The following E2F5 variants were observed in gnomAD, a reference collection of about 807,000 sequenced individuals.
E2F5 encodes the protein E2F transcription factor 5.
Under a neutral mutation model 39.1 loss-of-function variants are expected in E2F5, and 23 were observed. That is an observed-to-expected ratio of 0.59 (90% CI 0.42 to 0.83). The LOEUF (loss-of-function observed/expected upper bound fraction) is 0.83, where lower values mean the gene tolerates loss of function less well. Among genes scored for constraint, E2F5 ranks in the 40% least tolerant of loss-of-function variants. The probability of loss-of-function intolerance (pLI) is 0.00; values close to 1 mark genes in which losing one functional copy is unlikely to be tolerated. For missense variants in E2F5, 365 were observed against 406.7 expected, an observed-to-expected ratio of 0.90 and a Z score of 0.88; for synonymous variants, 145 against 157.8, an observed-to-expected ratio of 0.92 and a Z score of 0.61.
intron 4 of E2F5, among the ~76,000 whole-genome samples, 174 bp downstream of exon 4, chr8:85,206,394 T>C (rs1812804006): frequency 6.6e-6 from 1 of 152,218 alleles, no homozygotes; most frequent in African/African-American, 2.4e-5. Context: ...TTCATGAGAA[T>C]AGCTGCTTTT....
chr8:85,210,950 C>T (rs987917763), intron 6 of E2F5, among the ~76,000 whole-genome samples: 3 of 151,848 alleles, frequency 2.0e-5, no homozygotes, highest in Non-Finnish European at 4.4e-5. Context: ...AGATCTGTGA[C>T]CAAGGAAATA....
chr8:85,211,192 C>A (rs911779228), intron 6 of E2F5, among the ~76,000 whole-genome samples: 1 of 142,202 alleles, frequency 7.0e-6, no homozygotes, highest in Non-Finnish European at 1.5e-5. Flanking sequence ...TTGAGACCAA[C>A]CTGGGCAATA....
intron 6 of E2F5, 97 bp from the exon 7 acceptor site, chr8:85,212,060 G>T: frequency 1.1e-6 from 1 of 888,630 alleles, no homozygotes; most frequent in Non-Finnish European, 1.8e-6. Context: ...AAATAAATGT[G>T]CATGTCAGTC....
intron 1 of E2F5, among the ~76,000 whole-genome samples, chr8:85,188,288 A>C (rs1812385710): frequency 6.9e-6 from 1 of 144,780 alleles, no homozygotes; most frequent in African/African-American, 2.5e-5. Context: ...TTAGACTTTC[A>C]GATTGTTTTG....
chr8:85,183,119 A>G (rs972535808), intron 1 of E2F5, among the ~76,000 whole-genome samples: 6 of 152,218 alleles, frequency 3.9e-5, no homozygotes, highest in African/African-American at 1.4e-4. Flanking sequence ...GGGTGTGATG[A>G]CTGGTGCCTG....
intron 6 of E2F5, among the ~76,000 whole-genome samples, chr8:85,209,653 CA>C (rs1812874435): frequency 6.6e-6 from 1 of 152,134 alleles, no homozygotes; most frequent in South Asian, 2.1e-4. Context: ...TTAATTTTTG[CA>C]TGAAACAAAA....
intron 1 of E2F5, among the ~76,000 whole-genome samples, chr8:85,195,551 G>A (rs1388961473): frequency 6.6e-6 from 1 of 152,036 alleles, no homozygotes; most frequent in Non-Finnish European, 1.5e-5. Flanking sequence ...GTGCAGTGGT[G>A]CAGTCATGGC....
chr8:85,177,573 C>T lies in E2F5; in HGVS notation c.153C>T (p.His51=). The change falls in exon 1 of 8, where the codon CAC becomes CAT. Residue 51 remains histidine, a synonymous_variant. Transcript: ENST00000416274. The stretch of plus-strand genomic sequence containing the variant: ...GCGCCGGGGGCGGCAGCAGCAGGCA[C>T]GAGAAGAGCCTGGGGCTGCTCACTA... ...LGGAGGGSSR[H]EKSLGLLTTK... 3.9e-6 allele frequency: 5 copies of T among 1,282,256 alleles called. No individual in the cohort carries two copies. The highest frequency in any genetic ancestry group is 4.9e-6 in the Non-Finnish European group (5 of 1,011,760). The allele number at this position is 1,282,256 out of a possible 1,614,324, so 79.4% of individuals were successfully genotyped here.
At chr8:85,205,775 G>A (rs1330269481) in intron 3 of E2F5, among the ~76,000 whole-genome samples, 2 of 152,084 alleles carry the variant, frequency 1.3e-5, no homozygotes, top group Non-Finnish European at 2.9e-5. Context: ...AATCCTCTGT[G>A]TCCTCTTGTG....
intron 7 of E2F5, chr8:85,213,051 C>T (rs1812976519): frequency 6.6e-6 from 1 of 151,712 alleles, no homozygotes; most frequent in Non-Finnish European, 1.5e-5. Flanking sequence ...GCACCTGCCA[C>T]CACACCTGGC....
At chr8:85,205,609 C>A (rs1812787745) in intron 3 of E2F5, among the ~76,000 whole-genome samples, 2 of 152,152 alleles carry the variant, frequency 1.3e-5, no homozygotes, top group South Asian at 2.1e-4. Context: ...CCCAAGGAAA[C>A]CCCAATAAAA....
chr8:85,209,507 G>A (rs1051777767), intron 6 of E2F5, 98 bp downstream of exon 6: 1 of 1,399,780 alleles, frequency 7.1e-7, no homozygotes, highest in Non-Finnish European at 9.5e-7. Context: ...AATGTCCCAA[G>A]CACTTTTGAC....
rs1223266382 is a variant in E2F5, at chr8:85,177,238, G to C, written c.-183G>C. Reference sequence around the variant, plus strand: ...CTTGGGGAGGGGGCGGAGGCCCGGCGTGACAAGCGGCCCAGACTCCCGTGG... The same window carrying C: ...CTTGGGGAGGGGGCGGAGGCCCGGCCTGACAAGCGGCCCAGACTCCCGTGG... On this transcript the variant is annotated 5_prime_UTR_variant, in exon 1 of 8. Transcript: ENST00000416274. 1 of 355,604 alleles carries C rather than the reference G, an allele frequency of 2.8e-6. No individual in the cohort carries two copies. Among genetic ancestry groups the C allele is most frequent in the Non-Finnish European group, 3.9e-6 (1 of 253,954 alleles). 22.0% of individuals were successfully genotyped at this position (355,604 alleles called of 1,614,324 possible). A position where few individuals can be genotyped will look rare whatever the true frequency, so the allele number is the denominator to read the frequency against.
chr8:85,187,670 A>G (rs910161467), intron 1 of E2F5: 9 of 152,170 alleles, frequency 5.9e-5, no homozygotes, highest in Admixed American at 2.6e-4. Context: ...TTTTCAGTCT[A>G]CGTCCTTACA....
intron 1 of E2F5, among the ~76,000 whole-genome samples, chr8:85,180,507 TATAC>T (rs1455626186): frequency 6.2e-5 from 4 of 64,594 alleles, no homozygotes; most frequent in Non-Finnish European, 1.1e-4. Context: ...TTAAAGAAAC[TATAC>T]ATATATATAT....
At position 85,194,533 on chromosome 8, in the gene E2F5, C is replaced by CTT. The variant is rs753685580; in HGVS notation, c.235-7596_235-7595dup. On this transcript the variant is annotated intron_variant, in intron 1 of 7. Transcript: ENST00000416274. ...CTTTGTTGTTTTTTTGTTTGTTTCT[C>CTT]TTTTTTTTTTTTTTTTTTTGAGACA... 1.4e-3 allele frequency among the ~76,000 whole-genome samples: 182 copies of CTT among 127,978 alleles called. 1 individual carries two copies. Among genetic ancestry groups the CTT allele is most frequent in the Middle Eastern group, 3.8e-3 (1 of 262 alleles). 84.0% of individuals were successfully genotyped at this position (127,978 alleles called of 152,430 possible). A position where few individuals can be genotyped will look rare whatever the true frequency, so the allele number is the denominator to read the frequency against.
chr8:85,178,758 C>T (rs1489542804), intron 1 of E2F5, among the ~76,000 whole-genome samples: 1 of 152,130 alleles, frequency 6.6e-6, no homozygotes, highest in Non-Finnish European at 1.5e-5. Flanking sequence ...AATGTAAGGA[C>T]CAAGACTTGC....
At chr8:85,182,609 GTAT>G (rs1812243973) in intron 1 of E2F5, among the ~76,000 whole-genome samples, 1 of 152,200 alleles carries the variant, frequency 6.6e-6, no homozygotes, top group African/African-American at 2.4e-5. Context: ...GACATATTCT[GTAT>G]TATTGCATAA....
At chr8:85,213,606 G>A (rs1424890849) in intron 7 of E2F5, 147 bp from the exon 8 acceptor site, 5 of 343,660 alleles carry the variant, frequency 1.5e-5, no homozygotes, top group Non-Finnish European at 2.7e-5. Flanking sequence ...AATATTCAAT[G>A]TACAAATTGT....
Sources: allele counts gnomAD v4.1 joint callset (sites outside exome capture counted in the v4.1 genomes callset), GRCh38; gene constraint gnomAD v4.1.1; transcripts MANE v1.5; gene names NCBI Gene and HGNC (gene_info 2026-07-23, HGNC 2026-07-21).